RIMS2: variants seen among roughly 807,000 people sequenced by gnomAD.
RIMS2 encodes the protein regulating synaptic membrane exocytosis 2, also known as regulating synaptic membrane exocytosis protein 2.
RIMS2 carries 59 observed loss-of-function variants against 174.4 expected under a neutral mutation model. The observed-to-expected ratio is 0.34, with a 90% CI of 0.27 to 0.42. RIMS2 has a LOEUF of 0.42. RIMS2 is among the 10% of genes least tolerant of loss of function. RIMS2 has a pLI of 1.00. For synonymous variants in RIMS2, 606 were observed against 572.5 expected (o/e 1.06, Z -0.84); for missense variants, 1,620 against 1,666.3 (o/e 0.97, Z 0.48).
chr8:103,984,206 AGGGATC>A (rs2094167439), intron 16 of RIMS2, among the ~76,000 whole-genome samples: 1 of 152,046 alleles, frequency 6.6e-6, no homozygotes, highest in South Asian at 2.1e-4. Flanking sequence ...AGTAGACAAA[AGGGATC>A]ATATCAAGTT....
At chr8:103,628,078 A>G (rs2095828928) in intron 1 of RIMS2, among the ~76,000 whole-genome samples, 1 of 152,204 alleles carries the variant, frequency 6.6e-6, no homozygotes. Flanking sequence ...TATAATCATT[A>G]TAATATTAGC....
chr8:103,548,579 G>A (rs1217384978), intron 1 of RIMS2, among the ~76,000 whole-genome samples: 1 of 151,618 alleles, frequency 6.6e-6, no homozygotes, highest in African/African-American at 2.4e-5. Flanking sequence ...ATGGGCAAAA[G>A]CTGGAAACAT....
At chr8:104,183,045 T>C (rs2098948943) in intron 19 of RIMS2, among the ~76,000 whole-genome samples, 2 of 151,706 alleles carry the variant, frequency 1.3e-5, no homozygotes, top group Admixed American at 1.3e-4. Flanking sequence ...CATAAGGATA[T>C]AGAAGTGACT....
At chr8:103,865,537 G>A (rs1227436003) in intron 3 of RIMS2, among the ~76,000 whole-genome samples, 6 of 151,296 alleles carry the variant, frequency 4.0e-5, no homozygotes, top group Admixed American at 6.6e-5. Flanking sequence ...TGTCCACCTC[G>A]GCCTCCCAAA....
At chr8:103,621,284 C>G (rs1564052239) in intron 1 of RIMS2, among the ~76,000 whole-genome samples, 1 of 152,188 alleles carries the variant, frequency 6.6e-6, no homozygotes, top group African/African-American at 2.4e-5. Context: ...CATTGATAAC[C>G]TGACGTGCCC....
chr8:103,511,147 T>A (rs1563584303), intron 1 of RIMS2, among the ~76,000 whole-genome samples: 1 of 152,170 alleles, frequency 6.6e-6, no homozygotes, highest in Non-Finnish European at 1.5e-5. Flanking sequence ...AGTTAAAATG[T>A]TTGTGTAACT....
intron 3 of RIMS2, among the ~76,000 whole-genome samples, chr8:103,839,151 A>G (rs2098924080): frequency 6.6e-6 from 1 of 151,978 alleles, no homozygotes; most frequent in Non-Finnish European, 1.5e-5. Flanking sequence ...TTACATATTC[A>G]TTGTGTTATT....
chr8:103,953,414 C>G (rs931643313), intron 14 of RIMS2, among the ~76,000 whole-genome samples: 3 of 152,092 alleles, frequency 2.0e-5, no homozygotes, highest in African/African-American at 7.2e-5. Context: ...CGGCAGAAAC[C>G]CTGCAAGCCA....
At chr8:103,781,461 G>A (rs1425091349) in intron 3 of RIMS2, among the ~76,000 whole-genome samples, 2 of 152,168 alleles carry the variant, frequency 1.3e-5, no homozygotes, top group African/African-American at 4.8e-5. Context: ...TTTTAGTAAA[G>A]TTAAAATTAT....
At chr8:103,528,802 G>A (rs1835409371) in intron 1 of RIMS2, among the ~76,000 whole-genome samples, 1 of 152,160 alleles carries the variant, frequency 6.6e-6, no homozygotes, top group Non-Finnish European at 1.5e-5. Flanking sequence ...TAGCCTTGTA[G>A]TATAGTTTGA....
chr8:103,509,751 ACTTT>A (rs980818859), intron 1 of RIMS2, among the ~76,000 whole-genome samples: 1 of 152,084 alleles, frequency 6.6e-6, no homozygotes, highest in African/African-American at 2.4e-5. Context: ...TATTTTACCT[ACTTT>A]CTTTCTAATA....
intron 19 of RIMS2, among the ~76,000 whole-genome samples, chr8:104,061,046 G>C (rs186355422): frequency 6.6e-6 from 1 of 152,150 alleles, no homozygotes. Flanking sequence ...TGTATATTCC[G>C]TTGATTTGGT....
intron 19 of RIMS2, among the ~76,000 whole-genome samples, chr8:104,175,866 T>G (rs1343969859): frequency 6.6e-6 from 1 of 152,212 alleles, no homozygotes; most frequent in Non-Finnish European, 1.5e-5. Context: ...GGCCAGTCAC[T>G]GATGTATGCT....
At chr8:103,529,637 C>T (rs1380294666) in intron 1 of RIMS2, among the ~76,000 whole-genome samples, 1 of 152,224 alleles carries the variant, frequency 6.6e-6, no homozygotes, top group East Asian at 1.9e-4. Context: ...CACGGTCCTG[C>T]ACCCACTGTC....
chr8:103,754,213 T>C (rs866709968), intron 2 of RIMS2, among the ~76,000 whole-genome samples: 5 of 152,326 alleles, frequency 3.3e-5, no homozygotes, highest in Middle Eastern at 6.8e-3. Context: ...GAGCAGGTTG[T>C]TCAGTTTCCA....
intron 3 of RIMS2, among the ~76,000 whole-genome samples, chr8:103,877,501 T>C (rs564867830): frequency 4.4e-4 from 67 of 151,988 alleles, no homozygotes; most frequent in Non-Finnish European, 7.8e-4. Context: ...TTGTGGATTG[T>C]CTGTTTACTC....
At chr8:103,925,355 T>G (rs970977815) in intron 10 of RIMS2, among the ~76,000 whole-genome samples, 3 of 151,580 alleles carry the variant, frequency 2.0e-5, no homozygotes, top group Non-Finnish European at 4.4e-5. Context: ...AAGGAATACA[T>G]AATTTAAGGA....
chr8:103,857,991 G>A (rs1273081462), intron 3 of RIMS2, among the ~76,000 whole-genome samples: 1 of 152,132 alleles, frequency 6.6e-6, no homozygotes, highest in Non-Finnish European at 1.5e-5. Flanking sequence ...CAAAATCCAG[G>A]ATTATAGTGC....
chr8:103,688,687 G>T (rs1224087193), intron 1 of RIMS2, among the ~76,000 whole-genome samples: 1 of 151,816 alleles, frequency 6.6e-6, no homozygotes, highest in African/African-American at 2.4e-5. Flanking sequence ...ATTGGTATTA[G>T]TTCATAGTAG....
Sources: gnomAD v4.1 joint callset for allele counts (sites outside exome capture counted in the v4.1 genomes callset) on GRCh38, gnomAD v4.1.1 for gene constraint, MANE v1.5 for transcripts, NCBI Gene and HGNC (gene_info 2026-07-23, HGNC 2026-07-21) for gene names.